Variants in SRRM4 observed in about 807,000 individuals in gnomAD.
SRRM4 encodes serine/arginine repetitive matrix protein 4.
Under a neutral mutation model 68.9 loss-of-function variants are expected in SRRM4, and 33 were observed. The observed-to-expected ratio is 0.48, with a 90% CI of 0.36 to 0.64. The LOEUF (loss-of-function observed/expected upper bound fraction) is 0.64. SRRM4 is among the 30% of genes least tolerant of loss of function. The pLI is 0.00. For missense variants in SRRM4, 817 were observed against 827.1 expected (o/e 0.99, Z 0.15); for synonymous variants, 318 against 318.8 (o/e 1.00, Z 0.03).
chr12:119,027,106 G>A (rs1953553650), intron 1 of SRRM4, among the ~76,000 whole-genome samples: 1 of 152,158 alleles, frequency 6.6e-6, no homozygotes, highest in African/African-American at 2.4e-5. Context: ...GGAATCCCAA[G>A]GGGAGCAGCT....
At chr12:119,082,087 C>G (rs375868014) in intron 1 of SRRM4, among the ~76,000 whole-genome samples, 3 of 152,146 alleles carry the variant, frequency 2.0e-5, no homozygotes, top group African/African-American at 7.2e-5. Flanking sequence ...GATTGTTTCT[C>G]GAGTTTGTAG....
chr12:118,982,683 T>TTTTG (rs1555212624), intron 1 of SRRM4, among the ~76,000 whole-genome samples: 1 of 135,272 alleles, frequency 7.4e-6, no homozygotes, highest in African/African-American at 2.8e-5. Context: ...TTTTTTGTTT[T>TTTTG]TTTTTTTTTT....
chr12:119,052,016 A>G (rs997116867), intron 1 of SRRM4, among the ~76,000 whole-genome samples: 33 of 152,220 alleles, frequency 2.2e-4, no homozygotes, highest in African/African-American at 7.7e-4. Flanking sequence ...CCACACAGCT[A>G]GAGTGTTCCA....
At chr12:119,075,749 GTAA>G (rs1437343930) in intron 1 of SRRM4, among the ~76,000 whole-genome samples, 10 of 139,622 alleles carry the variant, frequency 7.2e-5, no homozygotes, top group Non-Finnish European at 1.2e-4. Flanking sequence ...GATGATGGTG[GTAA>G]TGATGATGGT....
intron 1 of SRRM4, among the ~76,000 whole-genome samples, chr12:119,072,784 G>A (rs936371673): frequency 2.0e-5 from 3 of 152,170 alleles, no homozygotes; most frequent in African/African-American, 4.8e-5. Context: ...GAGCCTCCCT[G>A]AGATTCCAGG....
rs139626573 is a variant in SRRM4 at position 119,146,298 on chromosome 12, G to A, written c.1076+613G>A. 3.4e-3 allele frequency among the ~76,000 whole-genome samples: 521 copies of A among 152,270 alleles called. 6 individuals are homozygous for A. The highest frequency in any genetic ancestry group is 3.8e-3 in the Non-Finnish European group (258 of 68,016). Reference sequence around the variant, plus strand: ...TTACCAGTAATCTTAGAAGGAAGTCGAACATTGACCAGGCGTGGTGGCTCA... The same window carrying A: ...TTACCAGTAATCTTAGAAGGAAGTCAAACATTGACCAGGCGTGGTGGCTCA... On this transcript the variant is annotated intron_variant, in intron 9 of 12. Transcript: ENST00000267260.
At chr12:119,060,489 A>G (rs1316106150) in intron 1 of SRRM4, among the ~76,000 whole-genome samples, 1 of 151,132 alleles carries the variant, frequency 6.6e-6, no homozygotes, top group Non-Finnish European at 1.5e-5. Flanking sequence ...ACACTCATTT[A>G]CACCCTCATC....
chr12:119,103,152 G>T (rs1458617339), intron 2 of SRRM4, among the ~76,000 whole-genome samples: 1 of 151,988 alleles, frequency 6.6e-6, no homozygotes, highest in East Asian at 1.9e-4. Context: ...GCCCATCTTT[G>T]GCCTCTGGGA....
At chr12:119,050,518 G>T (rs1957767635) in intron 1 of SRRM4, among the ~76,000 whole-genome samples, 1 of 152,184 alleles carries the variant, frequency 6.6e-6, no homozygotes, top group South Asian at 2.1e-4. Context: ...AGACCTTGCA[G>T]TTCAATGGGG....
chr12:119,093,139 A>G (rs539830985), intron 1 of SRRM4, among the ~76,000 whole-genome samples: 1 of 151,678 alleles, frequency 6.6e-6, no homozygotes, highest in South Asian at 2.1e-4. Context: ...GTAGTATTCC[A>G]TCTCCCCCCT....
At chr12:119,130,917 G>C in intron 8 of SRRM4, 83 bp downstream of exon 8, 1 of 1,330,988 alleles carries the variant, frequency 7.5e-7, no homozygotes, top group Non-Finnish European at 1.0e-6. Flanking sequence ...GGCAGTGTAT[G>C]GTACACTTTA....
chr12:119,116,073 T>G (rs1954178129), intron 3 of SRRM4, among the ~76,000 whole-genome samples: 1 of 152,142 alleles, frequency 6.6e-6, no homozygotes, highest in African/African-American at 2.4e-5. Context: ...TCCCCACTAC[T>G]CCCTACTGTC....
Position 119,157,234 on chromosome 12 carries a change from G to A in SRRM4, c.*436G>A, listed in dbSNP as rs986272239. On this transcript the variant is annotated 3_prime_UTR_variant, in exon 13 of 13. Transcript: ENST00000267260. The surrounding 1 kb of genome is among the most constrained non-coding windows in gnomAD (Gnocchi z 4.1). ...CACTAGTCCAACTTCATGGCTGCAC[G>A]TGGATGGACCCCCATGTCTGAGAGG... 9 of 170,948 alleles carry A rather than the reference G, an allele frequency of 5.3e-5. No homozygotes were observed. Among genetic ancestry groups the A allele is most frequent in the Non-Finnish European group, 8.7e-5 (7 of 80,092 alleles). 10.6% of individuals were successfully genotyped at this position (170,948 alleles called of 1,614,324 possible). A position where few individuals can be genotyped will look rare whatever the true frequency, so the allele number is the denominator to read the frequency against.
intron 1 of SRRM4, among the ~76,000 whole-genome samples, chr12:119,009,437 C>T (rs1568922): frequency 0.75 from 113,760 of 152,052 alleles, 43,184 homozygotes; most frequent in Middle Eastern, 0.89. Context: ...CTTGGGAAAA[C>T]GACCACTTTC....
chr12:119,075,330 C>G (rs977215874), intron 1 of SRRM4, among the ~76,000 whole-genome samples: 1 of 152,082 alleles, frequency 6.6e-6, no homozygotes, highest in African/African-American at 2.4e-5. Flanking sequence ...CTTATTGCAT[C>G]AGCATGGGAT....
At chr12:119,138,630 G>A (rs1229334147) in intron 8 of SRRM4, among the ~76,000 whole-genome samples, 2 of 152,146 alleles carry the variant, frequency 1.3e-5, no homozygotes, top group Non-Finnish European at 2.9e-5. Context: ...AGCATCCACT[G>A]CCCACTGTAA....
At chr12:119,138,142 T>C (rs1954342702) in intron 8 of SRRM4, among the ~76,000 whole-genome samples, 1 of 152,296 alleles carries the variant, frequency 6.6e-6, no homozygotes, top group South Asian at 2.1e-4. Context: ...AGCTGATTCT[T>C]GCCAGGCAGG....
Position 119,156,666 on chromosome 12 carries a change from C to T in SRRM4, c.1704C>T (p.Ser568=), listed in dbSNP as rs906564850. Residue 568 remains serine, a synonymous_variant, in exon 13 of 13, where the codon AGC becomes AGT. Transcript: ENST00000267260. ...SRRRSRTRTS[S]SSSSRSPSPG... ...GACGGAGCCGGACCCGCACGAGCAGCAGCTCTAGCTCCCGCAGCCCTAGTC... is the reference window on the plus strand; with the variant it reads ...GACGGAGCCGGACCCGCACGAGCAGTAGCTCTAGCTCCCGCAGCCCTAGTC... The T allele has an allele frequency of 1.3e-6, 2 of 1,570,710 alleles. No individual in the cohort carries two copies. Among genetic ancestry groups the T allele is most frequent in the African/African-American group, 1.4e-5 (1 of 73,652 alleles).
intron 1 of SRRM4, among the ~76,000 whole-genome samples, chr12:119,062,400 T>C (rs1953820092): frequency 6.6e-6 from 1 of 152,194 alleles, no homozygotes; most frequent in South Asian, 2.1e-4. Flanking sequence ...AGTTTCTTTC[T>C]TCAATAATAG....
Sources: gnomAD v4.1 joint callset for allele counts (sites outside exome capture counted in the v4.1 genomes callset) on GRCh38, gnomAD v4.1.1 for gene constraint, Gnocchi (gnomAD v3.1) non-coding constraint, MANE v1.5 for transcripts, NCBI Gene and HGNC (gene_info 2026-07-23, HGNC 2026-07-21) for gene names.